The following PCDHGA2 variants were observed in gnomAD, a reference collection of about 807,000 sequenced individuals.
The protein encoded by PCDHGA2 is protocadherin gamma subfamily A, 2.
PCDHGA2 carries 40 observed loss-of-function variants against 59.2 expected under a neutral mutation model. That is an observed-to-expected ratio of 0.68 (90% CI 0.52 to 0.88). The LOEUF is 0.88. Among genes scored for constraint, PCDHGA2 ranks in the 40% least tolerant of loss-of-function variants. The pLI is 0.00. For missense variants in PCDHGA2, 1,226 were observed against 1,204.0 expected (o/e 1.02, Z -0.27); for synonymous variants, 560 against 526.0 (o/e 1.06, Z -0.89).
chr5:141,451,993 C>G (rs1235806360), intron 1 of PCDHGA2, among the ~76,000 whole-genome samples: 4 of 152,164 alleles, frequency 2.6e-5, no homozygotes, highest in African/African-American at 7.2e-5. Context: ...TCATTAGAAG[C>G]AAAATCACTT....
chr5:141,463,135 C>G (rs1352400365), intron 1 of PCDHGA2, among the ~76,000 whole-genome samples: 1 of 152,128 alleles, frequency 6.6e-6, no homozygotes, highest in African/African-American at 2.4e-5. Flanking sequence ...GGCAGTTCTT[C>G]GCCCAGCTGC....
intron 1 of PCDHGA2, among the ~76,000 whole-genome samples, chr5:141,445,929 A>G (rs1388363296): frequency 6.6e-6 from 1 of 152,208 alleles, no homozygotes; most frequent in Non-Finnish European, 1.5e-5. Context: ...AAGATATTTG[A>G]ATTATTAAGC....
At chr5:141,414,623 C>T (rs998923536) in intron 1 of PCDHGA2, 2 of 1,613,820 alleles carry the variant, frequency 1.2e-6, no homozygotes, top group African/African-American at 1.3e-5. Flanking sequence ...GCGCTGGACC[C>T]GGACAGCAAA....
intron 1 of PCDHGA2, chr5:141,384,587 T>C: frequency 6.2e-7 from 1 of 1,614,218 alleles, no homozygotes; most frequent in Non-Finnish European, 8.5e-7. Flanking sequence ...CCCGAGATCC[T>C]GTACCCGGCC....
chr5:141,339,251 G>A lies in PCDHGA2; in HGVS notation c.280G>A (p.Glu94Lys). 6.2e-7 allele frequency: 1 copy of A among 1,614,240 alleles called. No individual in the cohort carries two copies. Among genetic ancestry groups the A allele is most frequent in the Non-Finnish European group, 8.5e-7 (1 of 1,180,038 alleles). ...CACTGCGAACAGGATAGACCGGGAG[G>A]AGCTCTGCGCTCAGAGCGCACCCTG... ...LVTANRIDRE[E>K]LCAQSAPCLL... The change falls in exon 1 of 4, where the codon GAG becomes AAG. Residue 94 changes from glutamate (E) to lysine (K), a missense_variant. Glu to Lys is a moderately conservative substitution (Grantham distance 56). Coordinates refer to ENST00000394576, the MANE Select transcript of PCDHGA2 (RefSeq NM_018915.4).
rs1199102847 is a variant in PCDHGA2, at chr5:141,477,997, A to G, written c.2425-16810A>G. 2 of 1,614,112 alleles carry G rather than the reference A, an allele frequency of 1.2e-6. No individual in the cohort carries two copies. Among genetic ancestry groups the G allele is most frequent in the Non-Finnish European group, 1.7e-6 (2 of 1,180,016 alleles). On this transcript the variant is annotated intron_variant, in intron 1 of 3. Coordinates refer to ENST00000394576, the MANE Select transcript of PCDHGA2 (RefSeq NM_018915.4). This position sits in a 1 kb window ranked among gnomAD's most constrained non-coding sequence, Gnocchi z 4.9. ...TTGCCATAGGGCTGCACACTGGTCAAATCAGTACTGCCCGTCCAGTCCAAG... is the reference window on the plus strand; with the variant it reads ...TTGCCATAGGGCTGCACACTGGTCAGATCAGTACTGCCCGTCCAGTCCAAG...
At chr5:141,446,055 G>A (rs1431833512) in intron 1 of PCDHGA2, among the ~76,000 whole-genome samples, 1 of 152,190 alleles carries the variant, frequency 6.6e-6, no homozygotes, top group Non-Finnish European at 1.5e-5. Flanking sequence ...AGCTGGCTTG[G>A]ATTAAAGGGG....
intron 1 of PCDHGA2, among the ~76,000 whole-genome samples, chr5:141,467,954 C>T (rs1467826790): frequency 1.3e-5 from 2 of 152,070 alleles, no homozygotes; most frequent in Admixed American, 6.6e-5. Flanking sequence ...CCACCACACC[C>T]GGCTGCCAGA....
At chr5:141,448,139 C>A (rs1486636157) in intron 1 of PCDHGA2, among the ~76,000 whole-genome samples, 1 of 151,884 alleles carries the variant, frequency 6.6e-6, no homozygotes, top group African/African-American at 2.4e-5. Context: ...CCTCACTATA[C>A]CTCAGACTCA....
Position 141,352,700 on chromosome 5 carries a change from T to C in PCDHGA2, c.2424+11305T>C, listed in dbSNP as rs10043892. On this transcript the variant is annotated intron_variant, in intron 1 of 3. Transcript: ENST00000394576. ...TTTCTGCAAATCTAGTTAAATTTTA[T>C]ATATGGCGGCCGGGCGCGGTGGCTC... 4.8e-4 allele frequency: 746 copies of C among 1,549,878 alleles called. 3 individuals are homozygous for C. In the African/African-American group the frequency reaches 8.8e-3, roughly 18 times the overall value.
Position 141,491,793 on chromosome 5 carries a change from C to T in PCDHGA2, c.2425-3014C>T, listed in dbSNP as rs2099730341. 4.0e-6 allele frequency: 6 copies of T among 1,511,410 alleles called. No individual in the cohort carries two copies. Among genetic ancestry groups the T allele is most frequent in the East Asian group, 2.5e-5 (1 of 40,660 alleles). The allele number at this position is 1,511,410 out of a possible 1,614,324, so 93.6% of individuals were successfully genotyped here. A position where few individuals can be genotyped will look rare whatever the true frequency, so the allele number is the denominator to read the frequency against. On this transcript the variant is annotated intron_variant, in intron 1 of 3. Transcript: ENST00000394576. This position sits in a 1 kb window ranked among gnomAD's most constrained non-coding sequence, Gnocchi z 6.9. ...AGGGATTGAACTTGCATCCACTCCT[C>T]TCCGGCCGGCTTGGTCGCTGGCTGC...
intron 1 of PCDHGA2, chr5:141,360,650 T>G (rs1234526049): frequency 8.7e-6 from 14 of 1,613,994 alleles, no homozygotes; most frequent in Admixed American, 1.7e-5. Context: ...AGATACCACC[T>G]TAATGACAAC....
At chr5:141,498,919 C>T (rs897611505) in intron 2 of PCDHGA2, among the ~76,000 whole-genome samples, 34 of 122,310 alleles carry the variant, frequency 2.8e-4, no homozygotes, top group African/African-American at 3.4e-4. Flanking sequence ...GGTGACAGAG[C>T]GAGACTCCAT....
chr5:141,357,554 G>A (rs765378957), intron 1 of PCDHGA2: 1 of 1,614,220 alleles, frequency 6.2e-7, no homozygotes, highest in Non-Finnish European at 8.5e-7. Context: ...CGGGAGAGTT[G>A]TGAGAAAAGC....
chr5:141,501,447 A>G (rs1483189279), intron 2 of PCDHGA2, among the ~76,000 whole-genome samples: 1 of 151,816 alleles, frequency 6.6e-6, no homozygotes, highest in Middle Eastern at 3.2e-3. Flanking sequence ...TTCCATTTTT[A>G]CTTTTCACTA....
At chr5:141,479,740 C>T (rs1434967266) in intron 1 of PCDHGA2, 1 of 152,168 alleles carries the variant, frequency 6.6e-6, no homozygotes, top group Non-Finnish European at 1.5e-5. Context: ...AGTATATGCA[C>T]AATGTGAAAG....
At chr5:141,365,469 G>T (rs1162637484) in intron 1 of PCDHGA2, 1 of 1,614,010 alleles carries the variant, frequency 6.2e-7, no homozygotes, top group South Asian at 1.1e-5. Flanking sequence ...GGAGAAAATG[G>T]TGAGATTGCA....
chr5:141,357,594 T>C (rs1473950050), intron 1 of PCDHGA2: 2 of 1,614,104 alleles, frequency 1.2e-6, no homozygotes, highest in Admixed American at 1.7e-5. Flanking sequence ...AGGATTTACT[T>C]GAAACAAAAG....
At chr5:141,436,611 C>T (rs893312137) in intron 1 of PCDHGA2, among the ~76,000 whole-genome samples, 1 of 152,126 alleles carries the variant, frequency 6.6e-6, no homozygotes, top group Non-Finnish European at 1.5e-5. Context: ...CTAGGGCTAA[C>T]AAAAATCTGA....
Sources: gnomAD v4.1 joint callset for allele counts (sites outside exome capture counted in the v4.1 genomes callset) on GRCh38, gnomAD v4.1.1 for gene constraint, Gnocchi (gnomAD v3.1) non-coding constraint, MANE v1.5 for transcripts, NCBI Gene and HGNC (gene_info 2026-07-23, HGNC 2026-07-21) for gene names.